The following SEC24B variants were observed in gnomAD, a reference collection of about 807,000 sequenced individuals.
SEC24B encodes SEC24 homolog B, COPII component.
SEC24B carries 45 observed loss-of-function variants against 142.8 expected under a neutral mutation model. That is an observed-to-expected ratio of 0.32 (90% confidence interval 0.25 to 0.40). The LOEUF (loss-of-function observed/expected upper bound fraction) is 0.40, where lower values mean the gene tolerates loss of function less well. Among genes scored for constraint, SEC24B ranks in the 10% least tolerant of loss-of-function variants. The pLI is 1.00. For missense variants in SEC24B, 1,409 were observed against 1,526.8 expected (o/e 0.92, Z 1.29); for synonymous variants, 574 against 568.2 (o/e 1.01, Z -0.15).
chr4:109,462,552 G>A (rs947909397), intron 1 of SEC24B, among the ~76,000 whole-genome samples: 1 of 152,064 alleles, frequency 6.6e-6, no homozygotes, highest in Non-Finnish European at 1.5e-5. Context: ...TTCACGGCTT[G>A]GCAGGTTAGC....
intron 6 of SEC24B, among the ~76,000 whole-genome samples, chr4:109,502,274 T>A (rs1457848348): frequency 1.3e-5 from 2 of 152,212 alleles, no homozygotes; most frequent in African/African-American, 4.8e-5. Flanking sequence ...AGTCAGAAGC[T>A]TAGATTTTAT....
At chr4:109,446,221 C>T (rs772666360) in intron 1 of SEC24B, among the ~76,000 whole-genome samples, 1 of 152,116 alleles carries the variant, frequency 6.6e-6, no homozygotes, top group Non-Finnish European at 1.5e-5. Context: ...AGGCCTGATA[C>T]AATCACAGCA....
At position 109,473,199 on chromosome 4, in the gene SEC24B, T is replaced by C. The variant is rs749248444; in HGVS notation, c.1060+13T>C. 4 of 1,531,042 alleles carry C rather than the reference T, an allele frequency of 2.6e-6. No homozygotes were observed. The highest frequency in any genetic ancestry group is 1.3e-5 in the South Asian group (1 of 78,692). The allele number at this position is 1,531,042 out of a possible 1,614,324, so 94.8% of individuals were successfully genotyped here. On this transcript the variant is annotated intron_variant, in intron 3 of 23. Transcript: ENST00000265175. ...TTACAACAAAAAGGTATTTGAGATA[T>C]TTATTATTGTATATGCACACAGACA...
At chr4:109,531,989 T>A (rs1176049965) in intron 20 of SEC24B, among the ~76,000 whole-genome samples, 2 of 152,188 alleles carry the variant, frequency 1.3e-5, no homozygotes, top group African/African-American at 4.8e-5. Context: ...CCCAAGTTGC[T>A]GGGATTACAG....
At chr4:109,509,273 G>T in intron 7 of SEC24B, among the ~76,000 whole-genome samples, 1 of 152,136 alleles carries the variant, frequency 6.6e-6, no homozygotes, top group East Asian at 1.9e-4. Context: ...ATCTCTACAT[G>T]ATATTAACGA....
chr4:109,532,776 GT>G (rs1561190402), intron 21 of SEC24B, 33 bp downstream of exon 21: 2 of 1,105,676 alleles, frequency 1.8e-6, no homozygotes, highest in Non-Finnish European at 2.8e-6. Flanking sequence ...GCTTAACACT[GT>G]TTGAGCTGAC....
In SEC24B at chr4:109,521,460, C is replaced by G; in HGVS notation, c.2342C>G (p.Thr781Ser). ...CTGAATGCATTACCAAACATGTTCA[C>G]CAATACAAGAGAAACACACAGTGCC... The part of the protein sequence containing the change: ...DLLNALPNMF[T>S]NTRETHSALG... Residue 781 changes from threonine (T) to serine (S), a missense_variant, in exon 14 of 24, where the codon ACC becomes AGC. Transcript: ENST00000265175. 6.2e-7 allele frequency: 1 copy of G among 1,614,088 alleles called. No individual in the cohort carries two copies. The highest frequency in any genetic ancestry group is 8.5e-7 in the Non-Finnish European group (1 of 1,179,994).
intron 3 of SEC24B, among the ~76,000 whole-genome samples, chr4:109,478,161 C>T (rs1733370123): frequency 6.6e-6 from 1 of 152,016 alleles, no homozygotes. Flanking sequence ...TGGCACAGGC[C>T]TGTAATCCCA....
chr4:109,532,551 A>G (rs529520294), intron 20 of SEC24B, 88 bp from the exon 21 acceptor site: 30 of 905,140 alleles, frequency 3.3e-5, no homozygotes, highest in Admixed American at 1.1e-4. Context: ...TTATTTTCCA[A>G]TGCTTCATAA....
intron 3 of SEC24B, among the ~76,000 whole-genome samples, chr4:109,473,951 A>G (rs1405382787): frequency 6.6e-6 from 1 of 152,240 alleles, no homozygotes; most frequent in Non-Finnish European, 1.5e-5. Flanking sequence ...CTCACTATGT[A>G]ATGACAGCTC....
intron 2 of SEC24B, 82 bp downstream of exon 2, chr4:109,463,726 A>T (rs973286545): frequency 1.3e-6 from 2 of 1,519,418 alleles, no homozygotes; most frequent in African/African-American, 2.8e-5. Context: ...TGAAGGTTAG[A>T]GGTGATATTG....
In SEC24B at chr4:109,462,981, T is replaced by G. The variant is rs1231441142; in HGVS notation, c.214T>G (p.Ser72Ala). Residue 72 changes from serine to alanine, a missense_variant, in exon 2 of 24, where the codon TCT becomes GCT. By Grantham distance (99) the Ser-to-Ala change is moderately conservative. Around this residue, in one of 2 missense-constraint regions of SEC24B, gnomAD observed 709 missense variants for 673.5 expected, o/e 1.05. Coordinates refer to ENST00000265175, the MANE Select transcript of SEC24B (RefSeq NM_006323.5). The part of the protein sequence containing the change: ...QNYIAPSGHY[S>A]QGPGKMTSLP... ...CTATATTGCTCCCTCAGGACATTAC[T>G]CTCAAGGACCTGGGAAAATGACCTC... 1 of 1,614,044 alleles carries G rather than the reference T, an allele frequency of 6.2e-7. No individual in the cohort carries two copies. The highest frequency in any genetic ancestry group is 1.7e-5 in the Admixed American group (1 of 60,026).
At chr4:109,518,835 C>T (rs1173092500) in intron 11 of SEC24B, among the ~76,000 whole-genome samples, 2 of 130,716 alleles carry the variant, frequency 1.5e-5, no homozygotes, top group Non-Finnish European at 3.1e-5. Context: ...GAGACAGAGG[C>T]TTGCTCTGTT....
At chr4:109,511,906 T>G (rs780424255) in intron 8 of SEC24B, 51 bp from the exon 9 acceptor site, 3 of 1,596,832 alleles carry the variant, frequency 1.9e-6, no homozygotes, top group Non-Finnish European at 2.6e-6. Context: ...TACGTTCTGT[T>G]TTTCCTTGGG....
At chr4:109,449,328 A>G (rs946236134) in intron 1 of SEC24B, 3 of 343,828 alleles carry the variant, frequency 8.7e-6, no homozygotes, top group South Asian at 2.2e-5. Context: ...GGCTCAAGCA[A>G]TCCTCCCACC....
Position 109,481,715 on chromosome 4 carries a change from T to G in SEC24B, c.1099T>G (p.Ser367Ala). 1 of 1,613,856 alleles carries G rather than the reference T, an allele frequency of 6.2e-7. No homozygotes were observed. Among genetic ancestry groups the G allele is most frequent in the South Asian group, 1.1e-5 (1 of 91,062 alleles). Reference protein sequence around the residue: ...YGEYVNNQASSAPTPLSSTSD... With the variant: ...YGEYVNNQASAAPTPLSSTSD... ...TGAATATGTTAATAACCAAGCTAGC[T>G]CCGCACCAACTCCCTTGTCATCAAC... is the stretch of plus-strand genomic sequence containing the variant. Residue 367 changes from serine (S) to alanine (A), a missense_variant, in exon 4 of 24, where the codon TCC (serine) becomes GCC (alanine). Ser to Ala is a moderately conservative substitution (Grantham distance 99, BLOSUM62 1). Transcript: ENST00000265175.
chr4:109,447,148 G>T (rs1468046878), intron 1 of SEC24B, among the ~76,000 whole-genome samples: 1 of 152,018 alleles, frequency 6.6e-6, no homozygotes, highest in African/African-American at 2.4e-5. Flanking sequence ...AGGGTATTTT[G>T]GAAGGTTCCA....
intron 6 of SEC24B, among the ~76,000 whole-genome samples, chr4:109,499,312 T>G (rs1170663738): frequency 6.6e-6 from 1 of 152,224 alleles, no homozygotes; most frequent in Non-Finnish European, 1.5e-5. Flanking sequence ...TTGGGACTTG[T>G]ATGTTTTATA....
Position 109,520,459 on chromosome 4 carries a change from A to G in SEC24B, c.2220A>G (p.Gln740=). The change falls in exon 12 of 24, where the codon CAA becomes CAG. Residue 740 remains glutamine (Q), a synonymous_variant. Coordinates refer to ENST00000265175, the MANE Select transcript of SEC24B (RefSeq NM_006323.5). ...YNLQEGLSQP[Q]MLIVSDIDDV... is the part of the protein sequence containing the mutation. ...TACAAGAAGGATTATCACAGCCTCA[A>G]ATGTTGATTGTGTCTGATATAGATG... 4 of 1,605,600 alleles carry G rather than the reference A, an allele frequency of 2.5e-6. No homozygotes were observed. The highest frequency in any genetic ancestry group is 2.6e-6 in the Non-Finnish European group (3 of 1,172,486).
Sources: allele counts gnomAD v4.1 joint callset (sites outside exome capture counted in the v4.1 genomes callset), GRCh38; gene constraint gnomAD v4.1.1; regional missense constraint gnomAD v4.1.1; transcripts MANE v1.5; gene names NCBI Gene and HGNC (gene_info 2026-07-23, HGNC 2026-07-21).